YLPM1: variants seen among roughly 807,000 people sequenced by gnomAD.
The protein encoded by YLPM1 is YLP motif containing 1.
In YLPM1, 99 loss-of-function variants were observed where a neutral mutation model predicts 230.0. The observed-to-expected ratio is 0.43, with a 90% CI of 0.37 to 0.51. YLPM1 has a LOEUF of 0.51. Among genes scored for constraint, YLPM1 ranks in the 20% least tolerant of loss-of-function variants. The pLI, the probability that YLPM1 is intolerant of heterozygous loss-of-function variation, is 0.00. For synonymous variants in YLPM1, 984 were observed against 942.5 expected, an observed-to-expected ratio of 1.04 and a Z score of -0.81; for missense variants, 2,592 against 2,707.7, an observed-to-expected ratio of 0.96 and a Z score of 0.95.
At chr14:74,769,166 T>G (rs939228342) in intron 1 of YLPM1, among the ~76,000 whole-genome samples, 2 of 149,076 alleles carry the variant, frequency 1.3e-5, no homozygotes, top group Admixed American at 6.7e-5. Context: ...ACCTCCGCCT[T>G]CCGGGTTTAA....
chr14:74,767,384 CCAAA>C (rs1335551856), intron 1 of YLPM1, among the ~76,000 whole-genome samples: 2 of 152,118 alleles, frequency 1.3e-5, no homozygotes, highest in Non-Finnish European at 2.9e-5. Context: ...CAGTCTGTTC[CCAAA>C]CAATGTTTTT....
Position 74,763,883 on chromosome 14 carries a change from C to T in YLPM1, c.394C>T (p.Arg132Ter). The T allele has an allele frequency of 6.5e-7, 1 of 1,549,816 alleles. No homozygotes were observed. The highest frequency in any genetic ancestry group is 8.7e-7 in the Non-Finnish European group (1 of 1,149,250). Residue 132 changes from arginine (R) to a stop codon, truncating the protein, a stop_gained, in exon 1 of 21, where the codon CGA becomes TGA. Coordinates refer to ENST00000325680, the MANE Select transcript of YLPM1 (RefSeq NM_019589.3). LOFTEE classifies it high-confidence loss of function. ...QYKHQMLHHQ[R>*]DGPPGLVPME... ...CAAACACCAGATGCTCCACCACCAA[C>T]GAGACGGGCCTCCTGGTTTGGTTCC...
chr14:74,780,259 C>A (rs1309723878), intron 2 of YLPM1, 146 bp from the exon 3 acceptor site: 1 of 969,862 alleles, frequency 1.0e-6, no homozygotes, highest in Non-Finnish European at 1.5e-6. Flanking sequence ...AATAGCTGTT[C>A]TCAATCCAAA....
chr14:74,764,233 A>G lies in YLPM1; in HGVS notation c.744A>G (p.Pro248=). The G allele has an allele frequency of 1.9e-6, 3 of 1,612,868 alleles. No homozygotes were observed. The highest frequency in any genetic ancestry group is 2.5e-6 in the Non-Finnish European group (3 of 1,179,700). ...GHSKSQLLAP[P]PPSAPPGNKT... is the part of the protein sequence containing the mutation. ...CTAAATCCCAACTACTAGCTCCACC[A>G]CCACCGTCCGCCCCCCCTGGAAATA... Residue 248 remains proline, a synonymous_variant, in exon 1 of 21, where the codon CCA becomes CCG. Coordinates refer to ENST00000325680, the MANE Select transcript of YLPM1 (RefSeq NM_019589.3).
At chr14:74,797,265 A>G (rs2140107944) in intron 4 of YLPM1, among the ~76,000 whole-genome samples, 1 of 150,288 alleles carries the variant, frequency 6.7e-6, no homozygotes, top group South Asian at 2.1e-4. Context: ...TGCTGTGATT[A>G]CAAGTGTGAG....
chr14:74,798,315 A>G lies in YLPM1; in HGVS notation c.3018A>G (p.Arg1006=). The G allele has an allele frequency of 6.2e-7, 1 of 1,613,950 alleles. No individual in the cohort carries two copies. The change falls in exon 5 of 21, where the codon AGA becomes AGG. Residue 1006 remains arginine (R), a synonymous_variant. Transcript: ENST00000325680. ...AAGGCCTGCCTCGGCCAGATAATAG[A>G]GATAATAGATTAGAAGGCAATAGAG... The part of the protein sequence containing the change: ...QDKGLPRPDN[R]DNRLEGNRGN...
intron 19 of YLPM1, among the ~76,000 whole-genome samples, chr14:74,830,738 G>A (rs1156694577): frequency 3.9e-5 from 6 of 152,178 alleles, no homozygotes; most frequent in African/African-American, 1.4e-4. Flanking sequence ...GCCAGCATGT[G>A]ACGTGGCGAG....
intron 19 of YLPM1, among the ~76,000 whole-genome samples, chr14:74,832,992 G>A (rs764141961): frequency 2.0e-5 from 3 of 151,796 alleles, no homozygotes; most frequent in African/African-American, 4.8e-5. Context: ...TGAGGATGCC[G>A]TGGGAATGGA....
intron 17 of YLPM1, chr14:74,822,265 C>G (rs2091527382): frequency 1.3e-5 from 2 of 152,038 alleles, no homozygotes; most frequent in African/African-American, 2.4e-5. Flanking sequence ...CCATTTGCAG[C>G]GTGTGTACTA....
chr14:74,812,462 TC>T (rs1321294850), intron 10 of YLPM1, among the ~76,000 whole-genome samples, 165 bp from the exon 11 acceptor site: 2 of 152,368 alleles, frequency 1.3e-5, no homozygotes, highest in East Asian at 3.9e-4. Flanking sequence ...TTTCTTGACT[TC>T]AGTAGATTTT....
At chr14:74,790,368 G>A (rs1045125748) in intron 4 of YLPM1, among the ~76,000 whole-genome samples, 3 of 152,124 alleles carry the variant, frequency 2.0e-5, no homozygotes, top group African/African-American at 4.8e-5. Context: ...GCTATTTCAC[G>A]TGAAAAGAAA....
rs1435086230 is a variant in YLPM1 at position 74,763,371 on chromosome 14, C to G, written c.-119C>G. 3.8e-5 allele frequency: 48 copies of G among 1,256,060 alleles called. No individual in the cohort carries two copies. Among genetic ancestry groups the G allele is most frequent in the Non-Finnish European group, 4.2e-5 (41 of 970,168 alleles). The allele number at this position is 1,256,060 out of a possible 1,614,324, so 77.8% of individuals were successfully genotyped here. A position where few individuals can be genotyped will look rare whatever the true frequency, so the allele number is the denominator to read the frequency against. On this transcript the variant is annotated 5_prime_UTR_variant, in exon 1 of 21. Coordinates refer to ENST00000325680, the MANE Select transcript of YLPM1 (RefSeq NM_019589.3). Reference sequence around the variant, plus strand: ...CCGGCGCACTGGCGCGCTCCGTTTACACGCTCCGGGGCCTGTAGGCGCCGC... The same window carrying G: ...CCGGCGCACTGGCGCGCTCCGTTTAGACGCTCCGGGGCCTGTAGGCGCCGC...
chr14:74,804,408 C>G (rs979811760), intron 6 of YLPM1, among the ~76,000 whole-genome samples: 1 of 148,356 alleles, frequency 6.7e-6, no homozygotes, highest in East Asian at 2.0e-4. Context: ...CTGACCTCTG[C>G]TGACCATTGC....
chr14:74,811,086 C>T (rs758798749), intron 9 of YLPM1, among the ~76,000 whole-genome samples: 4 of 152,020 alleles, frequency 2.6e-5, no homozygotes, highest in East Asian at 3.9e-4. Context: ...CTCGGCCTTC[C>T]GAAGTGCTGG....
chr14:74,820,782 C>A (rs1030342018), intron 16 of YLPM1, among the ~76,000 whole-genome samples: 4 of 152,166 alleles, frequency 2.6e-5, no homozygotes, highest in African/African-American at 4.8e-5. Context: ...GTCTAGTAAT[C>A]CATAGGCATT....
rs938687294 is a variant in YLPM1, at chr14:74,799,096, G to A, written c.3799G>A (p.Asp1267Asn). Residue 1267 changes from aspartate (D) to asparagine (N), a missense_variant, in exon 5 of 21, where the codon GAT (aspartate) becomes AAT (asparagine). By Grantham distance (23) the Asp-to-Asn change is conservative. This residue lies in a region of YLPM1 where 1,862 missense variants were observed against 1,819.8 expected (regional missense o/e 1.02). Transcript: ENST00000325680. ...DGDRRGPWWD[D>N]WERDQDMDED... is the part of the protein sequence containing the mutation. ...AGATAGGCGAGGCCCTTGGTGGGAT[G>A]ATTGGGAGAGAGACCAGGATATGGA... 6.2e-6 allele frequency: 10 copies of A among 1,613,942 alleles called. No homozygotes were observed. In the Admixed American group the frequency reaches 1.2e-4, roughly 19 times the overall value.
intron 4 of YLPM1, among the ~76,000 whole-genome samples, chr14:74,783,975 A>G (rs1670386415): frequency 6.6e-6 from 1 of 152,218 alleles, no homozygotes; most frequent in African/African-American, 2.4e-5. Context: ...AGTTGAGTCT[A>G]GAGGGTCCCC....
chr14:74,773,256 C>T (rs955144384), intron 1 of YLPM1, among the ~76,000 whole-genome samples: 1 of 151,684 alleles, frequency 6.6e-6, no homozygotes, highest in Non-Finnish European at 1.5e-5. Context: ...CCACTGCGCT[C>T]CAGCCTGGGC....
rs1356774674 is a variant in YLPM1 at position 74,827,648 on chromosome 14, T to G, written c.6164-1565T>G. The G allele has an allele frequency of 4.1e-6, 4 of 985,318 alleles. No individual in the cohort carries two copies. The African/African-American group carries it at 7.0e-5, about 17-fold the overall frequency. 61.0% of individuals were successfully genotyped at this position (985,318 alleles called of 1,614,324 possible). ...ATGAAATTTTTACTTTGAAGTATGT[T>G]AATGTCAAAGTTGATCGTATTAAGT... is the stretch of plus-strand genomic sequence containing the variant. On this transcript the variant is annotated intron_variant, in intron 18 of 20. Coordinates refer to ENST00000325680, the MANE Select transcript of YLPM1 (RefSeq NM_019589.3).
Sources: allele counts gnomAD v4.1 joint callset (sites outside exome capture counted in the v4.1 genomes callset), GRCh38; gene constraint gnomAD v4.1.1; regional missense constraint gnomAD v4.1.1; transcripts MANE v1.5; gene names NCBI Gene and HGNC (gene_info 2026-07-23, HGNC 2026-07-21).